Variants in LPP observed in about 807,000 individuals in gnomAD.
LPP encodes the protein lipoma-preferred partner.
In LPP, 38 loss-of-function variants were observed where a neutral mutation model predicts 60.4. The ratio of observed to expected loss-of-function variants is 0.63; its 90% confidence interval spans 0.49 to 0.83. The LOEUF (loss-of-function observed/expected upper bound fraction) is 0.83, where lower values mean the gene tolerates loss of function less well. LPP is among the 40% of genes least tolerant of loss of function. LPP has a pLI of 0.00. For synonymous variants in LPP, 328 were observed against 290.8 expected, an observed-to-expected ratio of 1.13 and a Z score of -1.30; for missense variants, 902 against 783.6, an observed-to-expected ratio of 1.15 and a Z score of -1.80.
At chr3:188,283,385 T>C (rs926147496) in intron 2 of LPP, among the ~76,000 whole-genome samples, 4 of 152,222 alleles carry the variant, frequency 2.6e-5, no homozygotes, top group Admixed American at 1.3e-4. Context: ...ATTTGTGAAA[T>C]TGAATGAAAT....
chr3:188,379,615 T>TTA (rs1177612592), intron 3 of LPP, among the ~76,000 whole-genome samples: 1 of 152,196 alleles, frequency 6.6e-6, no homozygotes, highest in African/African-American at 2.4e-5. Flanking sequence ...CGAATCTACT[T>TTA]TATAATCTGT....
At chr3:188,696,928 A>G (rs1443372377) in intron 7 of LPP, among the ~76,000 whole-genome samples, 1 of 152,166 alleles carries the variant, frequency 6.6e-6, no homozygotes, top group Non-Finnish European at 1.5e-5. Flanking sequence ...TATAGATTTC[A>G]TAGGAGGCTA....
chr3:188,659,152 A>G (rs1034261904), intron 7 of LPP, among the ~76,000 whole-genome samples: 7 of 152,154 alleles, frequency 4.6e-5, no homozygotes, highest in Non-Finnish European at 8.8e-5. Flanking sequence ...CCTGTTAGGT[A>G]GCAGGGATAA....
chr3:188,372,286 A>G (rs1773508196), intron 3 of LPP, among the ~76,000 whole-genome samples: 2 of 152,150 alleles, frequency 1.3e-5, no homozygotes, highest in African/African-American at 2.4e-5. Flanking sequence ...AAATTAATAT[A>G]AGATAAATTT....
intron 8 of LPP, among the ~76,000 whole-genome samples, chr3:188,732,272 C>T (rs915153479): frequency 5.3e-5 from 8 of 152,268 alleles, no homozygotes; most frequent in African/African-American, 1.9e-4. Flanking sequence ...AGGTCAGACA[C>T]AATTCAGAAA....
intron 1 of LPP, among the ~76,000 whole-genome samples, chr3:188,205,298 T>G (rs1248995188): frequency 6.8e-6 from 1 of 147,902 alleles, no homozygotes; most frequent in Middle Eastern, 3.2e-3. Context: ...TTTTTTTTTT[T>G]TTGGCAGAGT....
chr3:188,187,364 C>A lies in LPP; in HGVS notation c.-190+33112C>A, dbSNP rs550573371. Reference sequence around the variant, plus strand: ...TATAGGAGACTGAACTTTCCCTTAGCATCAAAATCTAATAGATGATTGTAA... The same window carrying A: ...TATAGGAGACTGAACTTTCCCTTAGAATCAAAATCTAATAGATGATTGTAA... On this transcript the variant is annotated intron_variant, in intron 1 of 11. Coordinates refer to ENST00000617246, the MANE Select transcript of LPP (RefSeq NM_001375462.1). Among the ~76,000 whole-genome samples the A allele has an allele frequency of 2.6e-5, 4 of 152,218 alleles. No homozygotes were observed. The South Asian group carries it at 8.3e-4, about 32-fold the overall frequency.
chr3:188,323,055 G>A (rs536587504), intron 2 of LPP, among the ~76,000 whole-genome samples: 2 of 152,324 alleles, frequency 1.3e-5, no homozygotes, highest in African/African-American at 4.8e-5. Context: ...CGGTGAAAAT[G>A]TGGTAAGCAA....
chr3:188,886,906 G>A lies in LPP; in HGVS notation c.*12427G>A. Reference sequence around the variant, plus strand: ...GAGAAGAAAAAGCTAGTTAAATTTTGTGTGGATCCATTTATCTCTTAAAAT... The same window carrying A: ...GAGAAGAAAAAGCTAGTTAAATTTTATGTGGATCCATTTATCTCTTAAAAT... On this transcript the variant is annotated 3_prime_UTR_variant, in exon 12 of 12. Transcript: ENST00000617246. 4.3e-6 allele frequency: 1 copy of A among 230,484 alleles called. No homozygotes were observed. Among genetic ancestry groups the A allele is most frequent in the Non-Finnish European group, 8.6e-6 (1 of 116,424 alleles). The allele number at this position is 230,484 out of a possible 1,614,324, so 14.3% of individuals were successfully genotyped here.
At chr3:188,404,652 T>G (rs1441129357) in intron 3 of LPP, among the ~76,000 whole-genome samples, 1 of 152,158 alleles carries the variant, frequency 6.6e-6, no homozygotes, top group African/African-American at 2.4e-5. Flanking sequence ...CAACACTGTT[T>G]CCCAGCTCTC....
intron 1 of LPP, among the ~76,000 whole-genome samples, chr3:188,201,146 G>T (rs913857754): frequency 6.6e-6 from 1 of 152,130 alleles, no homozygotes; most frequent in Non-Finnish European, 1.5e-5. Flanking sequence ...CACTTACTAT[G>T]GACCTGTCCC....
At chr3:188,592,563 T>TTTTTTTGTTTTTTTTTTTGG in intron 6 of LPP, among the ~76,000 whole-genome samples, 1 of 77,226 alleles carries the variant, frequency 1.3e-5, no homozygotes, top group African/African-American at 4.7e-5. Flanking sequence ...TTTTGTTTTT[T>TTTTTTTGTTTTTTTTTTTGG]AAATGGAGTC....
chr3:188,844,507 G>A (rs1000405022), intron 9 of LPP, among the ~76,000 whole-genome samples: 1 of 152,088 alleles, frequency 6.6e-6, no homozygotes, highest in Admixed American at 6.5e-5. Flanking sequence ...AAATACTGGA[G>A]GGATATGAAC....
intron 3 of LPP, among the ~76,000 whole-genome samples, chr3:188,377,521 G>A (rs1418951813): frequency 3.3e-5 from 5 of 152,034 alleles, no homozygotes; most frequent in East Asian, 3.9e-4. Context: ...TTCTGCATTC[G>A]TCACGTAGCT....
chr3:188,674,053 A>G (rs1401154976), intron 7 of LPP, among the ~76,000 whole-genome samples: 2 of 152,104 alleles, frequency 1.3e-5, no homozygotes, highest in African/African-American at 4.8e-5. Flanking sequence ...ATGTCATAAC[A>G]AACACAATAC....
chr3:188,873,848 A>T (rs144804847), intron 11 of LPP, among the ~76,000 whole-genome samples: 1 of 152,138 alleles, frequency 6.6e-6, no homozygotes, highest in Non-Finnish European at 1.5e-5. Flanking sequence ...AAGTAAATAC[A>T]CCGAACCCAC....
intron 6 of LPP, among the ~76,000 whole-genome samples, chr3:188,580,270 A>C (rs1580136432): frequency 6.6e-6 from 1 of 151,972 alleles, no homozygotes; most frequent in South Asian, 2.1e-4. Flanking sequence ...CAAAACATTT[A>C]GTATTTAATT....
intron 2 of LPP, among the ~76,000 whole-genome samples, chr3:188,318,088 G>A (rs1444838678): frequency 6.6e-6 from 1 of 152,134 alleles, no homozygotes; most frequent in African/African-American, 2.4e-5. Flanking sequence ...TCCTCCAGGA[G>A]GGTAGAAGCT....
Position 188,874,608 on chromosome 3 carries a change from A to G in LPP, c.*129A>G. 2 of 1,056,544 alleles carry G rather than the reference A, an allele frequency of 1.9e-6. No homozygotes were observed. Among genetic ancestry groups the G allele is most frequent in the African/African-American group, 3.2e-5 (2 of 62,956 alleles). The allele number at this position is 1,056,544 out of a possible 1,614,324, so 65.4% of individuals were successfully genotyped here. A position where few individuals can be genotyped will look rare whatever the true frequency, so the allele number is the denominator to read the frequency against. Reference sequence around the variant, plus strand: ...ATCTGCTATTAACCTTGCCTTAGAAACACATAAATTATGAGATTTTTTTTA... The same window carrying G: ...ATCTGCTATTAACCTTGCCTTAGAAGCACATAAATTATGAGATTTTTTTTA... On this transcript the variant is annotated 3_prime_UTR_variant, in exon 12 of 12. Coordinates refer to ENST00000617246, the MANE Select transcript of LPP (RefSeq NM_001375462.1).
Sources: allele counts gnomAD v4.1 joint callset (sites outside exome capture counted in the v4.1 genomes callset), GRCh38; gene constraint gnomAD v4.1.1; transcripts MANE v1.5; gene names NCBI Gene and HGNC (gene_info 2026-07-23, HGNC 2026-07-21).